The following PRKCH variants were observed in gnomAD, a reference collection of about 807,000 sequenced individuals.
PRKCH encodes the protein protein kinase C eta type.
Under a neutral mutation model 82.5 loss-of-function variants are expected in PRKCH, and 28 were observed. The observed-to-expected ratio is 0.34, with a 90% CI of 0.25 to 0.47. The LOEUF (loss-of-function observed/expected upper bound fraction) is 0.47, where lower values mean the gene tolerates loss of function less well. Ranked by LOEUF, PRKCH falls within the 20% of genes least tolerant of loss-of-function variation. The pLI is 1.00. For synonymous variants in PRKCH, 322 were observed against 327.4 expected (o/e 0.98, Z 0.18); for missense variants, 705 against 881.8 (o/e 0.80, Z 2.54).
intron 1 of PRKCH, among the ~76,000 whole-genome samples, chr14:61,207,903 C>T (rs2044539928): frequency 6.6e-6 from 1 of 152,280 alleles, no homozygotes; most frequent in Admixed American, 6.5e-5. Flanking sequence ...GGCCCGGCAG[C>T]GAAGGCAGCT....
rs182592328 is a variant in PRKCH at position 61,532,748 on chromosome 14, G to A, written c.1761+2153G>A. ...CGAGCAGATACACTGTCCAGTAATA[G>A]CCTCATGGTCTTTCCTCCAAGAGGA... On this transcript the variant is annotated intron_variant, in intron 12 of 13. Coordinates refer to ENST00000332981, the MANE Select transcript of PRKCH (RefSeq NM_006255.5). 3.2e-3 allele frequency among the ~76,000 whole-genome samples: 485 copies of A among 152,270 alleles called. 3 individuals are homozygous for A. Among genetic ancestry groups the A allele is most frequent in the African/African-American group, 0.011 (467 of 41,548 alleles).
At chr14:61,247,511 A>G (rs1380047021) in intron 1 of PRKCH, among the ~76,000 whole-genome samples, 2 of 151,910 alleles carry the variant, frequency 1.3e-5, no homozygotes, top group Non-Finnish European at 2.9e-5. Flanking sequence ...CGAGGTGGGC[A>G]GATCACCTGA....
intron 1 of PRKCH, among the ~76,000 whole-genome samples, chr14:61,314,217 A>G (rs1249138835): frequency 1.3e-5 from 2 of 151,518 alleles, no homozygotes; most frequent in East Asian, 3.9e-4. Context: ...AGTTTTTTTT[A>G]TTGTGTATGA....
At chr14:61,203,760 G>T (rs1408929199) in intron 1 of PRKCH, among the ~76,000 whole-genome samples, 1 of 152,096 alleles carries the variant, frequency 6.6e-6, no homozygotes, top group Non-Finnish European at 1.5e-5. Context: ...AGAATCACTT[G>T]ATCCCAGGAG....
chr14:61,210,784 C>CTG (rs1327649647), intron 1 of PRKCH, among the ~76,000 whole-genome samples: 1 of 95,940 alleles, frequency 1.0e-5, no homozygotes, highest in African/African-American at 3.2e-5. Context: ...CTCTCTCTCT[C>CTG]TCTCTCTGTG....
rs528649404 is a variant in PRKCH at position 61,280,124 on chromosome 14, A to G, written c.-19+92456A>G. The G allele has an allele frequency of 2.2e-5, 35 of 1,613,658 alleles. No individual in the cohort carries two copies. Among genetic ancestry groups the G allele is most frequent in the Non-Finnish European group, 2.9e-5 (34 of 1,179,772 alleles). ...TCGTCGTCGTCGTCCTGGTCCTGGT[A>G]GCGAATGTAGACGACCAGCATGACA... On this transcript the variant is annotated intron_variant, in intron 1 of 3. Transcript: ENST00000555185. This position sits in a 1 kb window ranked among gnomAD's most constrained non-coding sequence, Gnocchi z 5.0.
intron 9 of PRKCH, among the ~76,000 whole-genome samples, chr14:61,478,926 A>C (rs1156553129): frequency 1.3e-5 from 2 of 152,198 alleles, no homozygotes; most frequent in Non-Finnish European, 2.9e-5. Context: ...AATTTACTTC[A>C]GGTAGTAAGA....
chr14:61,236,711 A>AAAAC (rs2044791353), intron 1 of PRKCH, among the ~76,000 whole-genome samples: 1 of 18,328 alleles, frequency 5.5e-5, no homozygotes, highest in Admixed American at 6.5e-4. Context: ...GTCTCAAAAC[A>AAAAC]AAAAAAAAAA....
chr14:61,503,722 C>G (rs1267372692), intron 10 of PRKCH, among the ~76,000 whole-genome samples: 1 of 152,124 alleles, frequency 6.6e-6, no homozygotes, highest in Non-Finnish European at 1.5e-5. Context: ...GAATCTGTTA[C>G]AAAGCGCTTT....
At chr14:61,230,365 C>T (rs557983267) in intron 1 of PRKCH, among the ~76,000 whole-genome samples, 1 of 152,296 alleles carries the variant, frequency 6.6e-6, no homozygotes, top group African/African-American at 2.4e-5. Flanking sequence ...AGAATAAAGT[C>T]ATGACTCTCT....
At chr14:61,261,352 C>T (rs1268862761) in intron 1 of PRKCH, among the ~76,000 whole-genome samples, 1 of 152,210 alleles carries the variant, frequency 6.6e-6, no homozygotes, top group Non-Finnish European at 1.5e-5. Flanking sequence ...GATGTAAGCT[C>T]TCTGGGAATT....
intron 12 of PRKCH, among the ~76,000 whole-genome samples, chr14:61,533,294 TAAA>T (rs35130617): frequency 7.0e-6 from 1 of 143,704 alleles, no homozygotes; most frequent in Non-Finnish European, 1.5e-5. Context: ...ATAAAATTAC[TAAA>T]AAAAAAAAAA....
At chr14:61,318,844 C>T (rs575761102), upstream of PRKCH, among the ~76,000 whole-genome samples, 1 of 152,086 alleles carries the variant, frequency 6.6e-6, no homozygotes, top group Non-Finnish European at 1.5e-5. Context: ...CATGCCACCA[C>T]ATCCAGCTAA....
intron 1 of PRKCH, among the ~76,000 whole-genome samples, chr14:61,378,708 T>C (rs186819931): frequency 1.8e-4 from 28 of 152,314 alleles, no homozygotes; most frequent in Admixed American, 1.7e-3. Context: ...AGTCCCTGTC[T>C]CAGTTAATGG....
At chr14:61,285,325 C>T (rs1389831858) in intron 1 of PRKCH, among the ~76,000 whole-genome samples, 1 of 152,296 alleles carries the variant, frequency 6.6e-6, no homozygotes, top group Non-Finnish European at 1.5e-5. Flanking sequence ...CCAATAAACT[C>T]TCAGATACTA....
intron 6 of PRKCH, chr14:61,452,621 A>G (rs1056881345): frequency 6.6e-6 from 1 of 152,304 alleles, no homozygotes; most frequent in East Asian, 1.9e-4. Context: ...GCCTTTCCCC[A>G]CTATGAAGCA....
chr14:61,521,412 G>T (rs1352337679), intron 10 of PRKCH, among the ~76,000 whole-genome samples: 3 of 151,858 alleles, frequency 2.0e-5, no homozygotes, highest in African/African-American at 7.3e-5. Context: ...TATATATGAT[G>T]CAGCAACCAA....
At chr14:61,428,038 T>G (rs376273498) in intron 2 of PRKCH, among the ~76,000 whole-genome samples, 54 of 29,980 alleles carry the variant, frequency 1.8e-3, no homozygotes, top group East Asian at 8.6e-3. Flanking sequence ...CACAAATATA[T>G]ATATATAGAT....
chr14:61,464,581 GT>G (rs1211785618), intron 9 of PRKCH, among the ~76,000 whole-genome samples: 3 of 152,166 alleles, frequency 2.0e-5, no homozygotes, highest in Non-Finnish European at 4.4e-5. Flanking sequence ...GCTCTGGCAT[GT>G]GATGTTCCCC....
Sources: allele counts gnomAD v4.1 joint callset (sites outside exome capture counted in the v4.1 genomes callset), GRCh38; gene constraint gnomAD v4.1.1; non-coding constraint Gnocchi (gnomAD v3.1); transcripts MANE v1.5; gene names NCBI Gene and HGNC (gene_info 2026-07-23, HGNC 2026-07-21).